The following FBF1 variants were observed in gnomAD, a reference collection of about 807,000 sequenced individuals.
FBF1 encodes the protein fas-binding factor 1.
A neutral mutation model predicts 147.2 loss-of-function variants in FBF1; 119 were observed. That is an observed-to-expected ratio of 0.81 (90% CI 0.70 to 0.94). FBF1 has a LOEUF of 0.94. Among genes scored for constraint, FBF1 ranks in the 40% least tolerant of loss-of-function variants. The pLI is 0.00. For missense variants in FBF1, 1,449 were observed against 1,500.8 expected (o/e 0.97, Z 0.57); for synonymous variants, 601 against 609.0 (o/e 0.99, Z 0.19).
chr17:75,919,552 A>G lies in FBF1; in HGVS notation c.2138+116T>C. ...TCCTCACTCACTGGACTGGGAGGGA[A>G]GGACCCAACCCCTGTCCAAAGGCTG... On this transcript the variant is annotated intron_variant, in intron 20 of 29. Coordinates refer to ENST00000636174, the MANE Select transcript of FBF1 (RefSeq NM_001319193.2). This position sits in a 1 kb window ranked among gnomAD's most constrained non-coding sequence, Gnocchi z 5.0. 1 of 1,180,784 alleles carries G rather than the reference A, an allele frequency of 8.5e-7. No homozygotes were observed. The highest frequency in any genetic ancestry group is 1.2e-6 in the Non-Finnish European group (1 of 844,382). The allele number at this position is 1,180,784 out of a possible 1,614,324, so 73.1% of individuals were successfully genotyped here.
At chr17:75,913,261 G>T (rs2065466419) in intron 28 of FBF1, among the ~76,000 whole-genome samples, 1 of 149,576 alleles carries the variant, frequency 6.7e-6, no homozygotes, top group Admixed American at 6.8e-5. Context: ...TGACTCTCCT[G>T]CCTCAGCCTC....
rs1209030197 is a variant in FBF1, at chr17:75,917,991, G to A, written c.2326C>T (p.His776Tyr). 1.2e-6 allele frequency: 2 copies of A among 1,611,980 alleles called. No homozygotes were observed. The highest frequency in any genetic ancestry group is 1.1e-5 in the South Asian group (1 of 90,804). Reference sequence around the variant, plus strand: ...TCCCGCTCCTGGGAGGTGGTGAGGTGCGAGGCCTCCACGCGGGAGGACAAC... The same window carrying A: ...TCCCGCTCCTGGGAGGTGGTGAGGTACGAGGCCTCCACGCGGGAGGACAAC... ...HELSSRVEAS[H>Y]LTTSQERELG... is the part of the protein sequence containing the mutation. The change falls in exon 22 of 30, where the codon CAC (histidine) becomes TAC (tyrosine). Residue 776 changes from histidine (H) to tyrosine (Y), a missense_variant. By Grantham distance (83) the His-to-Tyr change is moderately conservative (BLOSUM62 2). Transcript: ENST00000636174.
At position 75,910,923 on chromosome 17, in the gene FBF1, G is replaced by A. The variant is rs990688756; in HGVS notation, c.3364-117C>T. On this transcript the variant is annotated intron_variant, in intron 29 of 29. Coordinates refer to ENST00000636174, the MANE Select transcript of FBF1 (RefSeq NM_001319193.2). This position sits in a 1 kb window ranked among gnomAD's most constrained non-coding sequence, Gnocchi z 4.1. Reference sequence around the variant, plus strand: ...CCCTCCCCACATCGTCCCTGACTCTGCCTGGCTCTGGGAGTCAGCAGGGGC... The same window carrying A: ...CCCTCCCCACATCGTCCCTGACTCTACCTGGCTCTGGGAGTCAGCAGGGGC... 22 of 845,842 alleles carry A rather than the reference G, an allele frequency of 2.6e-5. No homozygotes were observed. The African/African-American group carries it at 3.7e-4, about 14-fold the overall frequency. The allele number at this position is 845,842 out of a possible 1,614,324, so 52.4% of individuals were successfully genotyped here.
At position 75,926,011 on chromosome 17, in the gene FBF1, C is replaced by G. The variant is rs766786423; in HGVS notation, c.868+19G>C. On this transcript the variant is annotated intron_variant, in intron 12 of 29. Transcript: ENST00000636174. ...AGGCCTCCCTCCCGTCCTGTTGCGG[C>G]CCCCGCAAGCCTCCTTACCCTGTGG... 1 of 1,589,718 alleles carries G rather than the reference C, an allele frequency of 6.3e-7. No homozygotes were observed. The highest frequency in any genetic ancestry group is 8.6e-7 in the Non-Finnish European group (1 of 1,166,996).
At position 75,923,890 on chromosome 17, in the gene FBF1, T is replaced by C. The variant is rs1164713120; in HGVS notation, c.969-249A>G. On this transcript the variant is annotated intron_variant, in intron 13 of 29. Transcript: ENST00000636174. The surrounding 1 kb of genome is among the most constrained non-coding windows in gnomAD (Gnocchi z 4.1). ...CTACCCACAGAGAACAGGAACAGGA[T>C]CAAATGACAGCCATGGGCACACAGG... 6.6e-6 allele frequency among the ~76,000 whole-genome samples: 1 copy of C among 151,220 alleles called. No individual in the cohort carries two copies. The highest frequency in any genetic ancestry group is 2.4e-5 in the African/African-American group (1 of 41,116).
chr17:75,922,367 C>T lies in FBF1; in HGVS notation c.1425-321G>A, dbSNP rs1014793982. On this transcript the variant is annotated intron_variant, in intron 14 of 29. Coordinates refer to ENST00000636174, the MANE Select transcript of FBF1 (RefSeq NM_001319193.2). This position sits in a 1 kb window ranked among gnomAD's most constrained non-coding sequence, Gnocchi z 5.0. The stretch of plus-strand genomic sequence containing the variant: ...CCCTGTTCCAGTCCACTTAACTTGG[C>T]TCAGCTCTAGATTAGGATTCTGCTC... Among the ~76,000 whole-genome samples the T allele has an allele frequency of 6.6e-6, 1 of 152,182 alleles. No individual in the cohort carries two copies. Among genetic ancestry groups the T allele is most frequent in the Admixed American group, 6.5e-5 (1 of 15,278 alleles).
In FBF1 at chr17:75,922,595, T is replaced by G. The variant is rs941450016; in HGVS notation, c.1425-549A>C. ...TCACAAATTGCCCAGTTCACTCCCCTGGGCTCTGGCCACAGCACATCTCAC... is the reference window on the plus strand; with the variant it reads ...TCACAAATTGCCCAGTTCACTCCCCGGGGCTCTGGCCACAGCACATCTCAC... On this transcript the variant is annotated intron_variant, in intron 14 of 29. Transcript: ENST00000636174. This position sits in a 1 kb window ranked among gnomAD's most constrained non-coding sequence, Gnocchi z 5.0. Among the ~76,000 whole-genome samples the G allele has an allele frequency of 1.3e-5, 2 of 152,106 alleles. No homozygotes were observed. Among genetic ancestry groups the G allele is most frequent in the African/African-American group, 4.8e-5 (2 of 41,430 alleles).
intron 28 of FBF1, 136 bp downstream of exon 28, chr17:75,913,566 G>C (rs188278362): frequency 1.2e-4 from 68 of 579,824 alleles, no homozygotes; most frequent in African/African-American, 1.1e-3. Context: ...CACATTATTT[G>C]TGTAAAAAAG....
rs2144173633 is a variant in FBF1 at position 75,923,435 on chromosome 17, G to A, written c.1175C>T (p.Pro392Leu). Residue 392 changes from proline (P) to leucine (L), a missense_variant, in exon 14 of 30, where the codon CCT becomes CTT. Coordinates refer to ENST00000636174, the MANE Select transcript of FBF1 (RefSeq NM_001319193.2). The surrounding 1 kb of genome is among the most constrained non-coding windows in gnomAD (Gnocchi z 4.1). ...TGGCGTGGAGTGCTGGCTCGCAGGAGGAGGCACTGAGGGCGTGACAGGCAC... is the reference window on the plus strand; with the variant it reads ...TGGCGTGGAGTGCTGGCTCGCAGGAAGAGGCACTGAGGGCGTGACAGGCAC... ...SSVPVTPSVP[P>L]PASQHSTPAG... The A allele has an allele frequency of 1.9e-6, 3 of 1,608,738 alleles. No homozygotes were observed. The highest frequency in any genetic ancestry group is 2.7e-5 in the African/African-American group (2 of 74,974).
At chr17:75,933,302 C>T (rs1276833765) in intron 4 of FBF1, among the ~76,000 whole-genome samples, 5 of 152,090 alleles carry the variant, frequency 3.3e-5, no homozygotes, top group African/African-American at 9.7e-5. Context: ...TGCCAAATAC[C>T]AAATGAAGAG....
chr17:75,930,067 G>T lies in FBF1; in HGVS notation c.229-20C>A. The T allele has an allele frequency of 6.4e-7, 1 of 1,550,918 alleles. No homozygotes were observed. Among genetic ancestry groups the T allele is most frequent in the Non-Finnish European group, 8.7e-7 (1 of 1,145,826 alleles). On this transcript the variant is annotated intron_variant, in intron 6 of 29. Transcript: ENST00000636174. ...TGAAACCTAAGTCCACAATGAGGGTGAGGACACAGATGAGGAGGCACATTA... is the reference window on the plus strand; with the variant it reads ...TGAAACCTAAGTCCACAATGAGGGTTAGGACACAGATGAGGAGGCACATTA...
intron 7 of FBF1, 52 bp downstream of exon 7, chr17:75,929,945 A>ATTCCCCCCCCCCCCCC: frequency 1.5e-6 from 1 of 650,912 alleles, no homozygotes; most frequent in Non-Finnish European, 2.8e-6. Flanking sequence ...AAATATCATG[A>ATTCCCCCCCCCCCCCC]CCCCACCCCA....
At position 75,910,637 on chromosome 17, in the gene FBF1, C is replaced by G. The variant is rs558969841; in HGVS notation, c.*86G>C. 548 of 1,195,086 alleles carry G rather than the reference C, an allele frequency of 4.6e-4. 1 individual carries two copies. The Middle Eastern group carries it at 5.8e-3, about 13-fold the overall frequency. 74.0% of individuals were successfully genotyped at this position (1,195,086 alleles called of 1,614,324 possible). On this transcript the variant is annotated 3_prime_UTR_variant, in exon 30 of 30. Coordinates refer to ENST00000636174, the MANE Select transcript of FBF1 (RefSeq NM_001319193.2). This position sits in a 1 kb window ranked among gnomAD's most constrained non-coding sequence, Gnocchi z 4.1. ...GCCTCAAGCATCTCAGAATCCTCCC[C>G]AGGCACTGCCTCCATGGAGGCAGCC... is the stretch of plus-strand genomic sequence containing the variant.
At chr17:75,938,916 G>A (rs949581446) in intron 1 of FBF1, among the ~76,000 whole-genome samples, 5 of 151,482 alleles carry the variant, frequency 3.3e-5, no homozygotes, top group South Asian at 2.1e-4. Flanking sequence ...GGTTATCAAA[G>A]TTCTCTCACT....
In FBF1 at chr17:75,925,663, C is replaced by T. The variant is rs982270119; in HGVS notation, c.869-217G>A. 6.6e-6 allele frequency among the ~76,000 whole-genome samples: 1 copy of T among 152,192 alleles called. No individual in the cohort carries two copies. On this transcript the variant is annotated intron_variant, in intron 12 of 29. Coordinates refer to ENST00000636174, the MANE Select transcript of FBF1 (RefSeq NM_001319193.2). This position sits in a 1 kb window ranked among gnomAD's most constrained non-coding sequence, Gnocchi z 5.0. ...CAGGATCCCTCGAGGTCAGGTCCAGCGAGCGGCATGTGTCACAAGAATGAT... is the reference window on the plus strand; with the variant it reads ...CAGGATCCCTCGAGGTCAGGTCCAGTGAGCGGCATGTGTCACAAGAATGAT...
chr17:75,934,807 A>G (rs2065614264), intron 4 of FBF1, among the ~76,000 whole-genome samples: 1 of 140,718 alleles, frequency 7.1e-6, no homozygotes, highest in Non-Finnish European at 1.5e-5. Flanking sequence ...TGAACCTGGG[A>G]GGTGGAGGTT....
In FBF1 at chr17:75,922,195, C is replaced by T. The variant is rs1175375236; in HGVS notation, c.1425-149G>A. 1.5e-5 allele frequency: 9 copies of T among 617,234 alleles called. No homozygotes were observed. The highest frequency in any genetic ancestry group is 2.0e-5 in the Non-Finnish European group (7 of 354,310). The allele number at this position is 617,234 out of a possible 1,614,324, so 38.2% of individuals were successfully genotyped here. A position where few individuals can be genotyped will look rare whatever the true frequency, so the allele number is the denominator to read the frequency against. Reference sequence around the variant, plus strand: ...CCCGTCTTGGGGCATTCTCCTCCCACGTCTGAGCTCCTGGGATTTCTGGGC... The same window carrying T: ...CCCGTCTTGGGGCATTCTCCTCCCATGTCTGAGCTCCTGGGATTTCTGGGC... On this transcript the variant is annotated intron_variant, in intron 14 of 29. Transcript: ENST00000636174. This position sits in a 1 kb window ranked among gnomAD's most constrained non-coding sequence, Gnocchi z 5.0.
rs1417463554 is a variant in FBF1, at chr17:75,937,583, G to C, written c.14C>G (p.Thr5Ser). 6.8e-6 allele frequency: 11 copies of C among 1,613,736 alleles called. No homozygotes were observed. The highest frequency in any genetic ancestry group is 1.6e-4 in the Middle Eastern group (1 of 6,084). Residue 5 changes from threonine to serine, a missense_variant, in exon 3 of 30, where the codon ACC (threonine) becomes AGC (serine). Thr to Ser is a moderately conservative substitution (Grantham distance 58). Coordinates refer to ENST00000636174, the MANE Select transcript of FBF1 (RefSeq NM_001319193.2). Reference protein sequence around the residue: MAPKTKKGCKGSIDD... With the variant: MAPKSKKGCKGSIDD... ...CCACTCACCTTTACATCCTTTCTTG[G>C]TTTTTGGTGCCTAAAATGGGAAAAA...
At chr17:75,937,483 A>G (rs1427711638) in intron 3 of FBF1, 83 bp downstream of exon 3, 1 of 1,540,782 alleles carries the variant, frequency 6.5e-7, no homozygotes, top group Non-Finnish European at 9.0e-7. Flanking sequence ...AAACATTTAA[A>G]TAAACACATC....
Sources: allele counts gnomAD v4.1 joint callset (sites outside exome capture counted in the v4.1 genomes callset), GRCh38; gene constraint gnomAD v4.1.1; non-coding constraint Gnocchi (gnomAD v3.1); transcripts MANE v1.5; gene names NCBI Gene and HGNC (gene_info 2026-07-23, HGNC 2026-07-21).